ITGA1: variants seen among roughly 807,000 people sequenced by gnomAD.
ITGA1 encodes integrin subunit alpha 1, also known as integrin alpha-1.
In ITGA1, 85 loss-of-function variants were observed where a neutral mutation model predicts 145.9. The observed-to-expected ratio is 0.58, with a 90% CI of 0.49 to 0.70. The LOEUF (loss-of-function observed/expected upper bound fraction) is 0.70, where lower values mean the gene tolerates loss of function less well. ITGA1 is among the 30% of genes least tolerant of loss of function. ITGA1 has a pLI of 0.00. For synonymous variants in ITGA1, 520 were observed against 495.3 expected, an observed-to-expected ratio of 1.05 and a Z score of -0.66; for missense variants, 1,351 against 1,418.7, an observed-to-expected ratio of 0.95 and a Z score of 0.77.
chr5:52,891,648 A>AT lies in ITGA1; in HGVS notation c.925-2021dup, dbSNP rs575173790. 4.0e-3 allele frequency among the ~76,000 whole-genome samples: 593 copies of AT among 146,704 alleles called. 3 individuals are homozygous for AT. Among genetic ancestry groups the AT allele is most frequent in the African/African-American group, 0.014 (558 of 40,520 alleles). On this transcript the variant is annotated intron_variant, in intron 8 of 28. Transcript: ENST00000282588. The stretch of plus-strand genomic sequence containing the variant: ...AATTTTTTTATTTATTACAGAAGTG[A>AT]TTTTTTATTATAAAGTTTTAAAAAA...
chr5:52,929,347 T>C (rs1406801200), intron 20 of ITGA1, among the ~76,000 whole-genome samples: 2 of 152,178 alleles, frequency 1.3e-5, no homozygotes, highest in Non-Finnish European at 2.9e-5. Context: ...TCTCCTAATA[T>C]CATCACATTA....
chr5:52,800,531 A>G (rs1748448962), intron 1 of ITGA1: 14 of 1,613,962 alleles, frequency 8.7e-6, no homozygotes, highest in Middle Eastern at 1.6e-4. Flanking sequence ...ACCATCCGCA[A>G]GGTACAGACA....
chr5:52,913,023 G>A (rs897560390), intron 14 of ITGA1, among the ~76,000 whole-genome samples: 5 of 152,000 alleles, frequency 3.3e-5, no homozygotes, highest in African/African-American at 1.2e-4. Flanking sequence ...TGGGATTACA[G>A]GCGTGAGCCA....
chr5:52,880,304 G>A (rs1459435945), intron 6 of ITGA1, among the ~76,000 whole-genome samples: 2 of 152,086 alleles, frequency 1.3e-5, no homozygotes, highest in African/African-American at 4.8e-5. Flanking sequence ...TAAATAATTA[G>A]AGAAGAAAGT....
chr5:52,906,885 T>C (rs138100528), intron 12 of ITGA1, among the ~76,000 whole-genome samples: 483 of 152,302 alleles, frequency 3.2e-3, no homozygotes, highest in Non-Finnish European at 4.7e-3. Flanking sequence ...GTCCACAAAC[T>C]GCACTCGCTT....
chr5:52,903,294 T>G (rs758860355), intron 11 of ITGA1: 1 of 152,168 alleles, frequency 6.6e-6, no homozygotes, highest in Non-Finnish European at 1.5e-5. Flanking sequence ...CAGAGTGGCA[T>G]GAAATAAAAC....
intron 6 of ITGA1, among the ~76,000 whole-genome samples, chr5:52,868,967 G>A (rs186555864): frequency 2.6e-5 from 4 of 152,242 alleles, no homozygotes; most frequent in African/African-American, 9.6e-5. Flanking sequence ...GTAATAGTGG[G>A]GAAGATGACA....
At chr5:52,848,556 T>C (rs1259513451) in intron 1 of ITGA1, among the ~76,000 whole-genome samples, 3 of 152,134 alleles carry the variant, frequency 2.0e-5, no homozygotes, top group Non-Finnish European at 2.9e-5. Context: ...GTCATTATGG[T>C]TTTTTATTTT....
chr5:52,880,318 A>C (rs922673259), intron 6 of ITGA1, among the ~76,000 whole-genome samples: 2 of 152,218 alleles, frequency 1.3e-5, no homozygotes, highest in Non-Finnish European at 2.9e-5. Flanking sequence ...AGAAAGTTTT[A>C]AAAAGACCAT....
In ITGA1 at chr5:52,861,455, T is replaced by C. The variant is rs754020150; in HGVS notation, c.191T>C (p.Ile64Thr). 11 of 1,610,054 alleles carry C rather than the reference T, an allele frequency of 6.8e-6. No homozygotes were observed. Among genetic ancestry groups the C allele is most frequent in the South Asian group, 1.1e-5 (1 of 90,916 alleles). ...ATTTATTTAACTTCCAGGGTGCTTA[T>C]TGGTTCTCCGTTAGTTGGCCAACCC... is the stretch of plus-strand genomic sequence containing the variant. ...YENEEGKWVL[I>T]GSPLVGQPKN... Residue 64 changes from isoleucine to threonine, a missense_variant, in exon 3 of 29, where the codon ATT (isoleucine) becomes ACT (threonine). Physicochemically the swap from Ile to Thr is moderately conservative, Grantham distance 89 (BLOSUM62 -1). Transcript: ENST00000282588.
intron 1 of ITGA1, among the ~76,000 whole-genome samples, chr5:52,839,688 A>G (rs1160462351): frequency 6.6e-6 from 1 of 152,210 alleles, no homozygotes; most frequent in African/African-American, 2.4e-5. Flanking sequence ...TGCCAATCCT[A>G]TGGTTATTTT....
At chr5:52,893,934 C>CTTTTT in intron 9 of ITGA1, 94 bp downstream of exon 9, 1 of 681,234 alleles carries the variant, frequency 1.5e-6, no homozygotes, top group Non-Finnish European at 2.3e-6. Context: ...ATCAGTAATA[C>CTTTTT]TTTTTTTTTT....
rs567531195 is a variant in ITGA1 at position 52,827,865 on chromosome 5, T to C, written c.62-21500T>C. ...TGCTTTGTGTACTTAATAGATTACATTGTAGTTCAAACACAACTTTTATAT... is the reference window on the plus strand; with the variant it reads ...TGCTTTGTGTACTTAATAGATTACACTGTAGTTCAAACACAACTTTTATAT... On this transcript the variant is annotated intron_variant, in intron 1 of 28. Coordinates refer to ENST00000282588, the MANE Select transcript of ITGA1 (RefSeq NM_181501.2). Among the ~76,000 whole-genome samples the C allele has an allele frequency of 3.9e-5, 6 of 152,364 alleles. No individual in the cohort carries two copies. In the East Asian group the frequency reaches 7.7e-4, roughly 20 times the overall value.
In ITGA1 at chr5:52,889,108, A is replaced by ATTTT. The variant is rs71614392; in HGVS notation, c.924+1151_924+1154dup. On this transcript the variant is annotated intron_variant, in intron 8 of 28. Transcript: ENST00000282588. ...CAGTTGCTGCTCTAAACTACTATCC[A>ATTTT]TTTTTTTTTTTAAATGGAGTCTCGC... 6.2e-3 allele frequency among the ~76,000 whole-genome samples: 691 copies of ATTTT among 111,024 alleles called. 2 individuals are homozygous for ATTTT. Among genetic ancestry groups the ATTTT allele is most frequent in the Non-Finnish European group, 7.8e-3 (366 of 46,766 alleles). 72.8% of individuals were successfully genotyped at this position (111,024 alleles called of 152,430 possible).
intron 1 of ITGA1, among the ~76,000 whole-genome samples, chr5:52,838,271 G>A (rs1289009231): frequency 6.6e-6 from 1 of 152,144 alleles, no homozygotes; most frequent in Non-Finnish European, 1.5e-5. Context: ...AAGCAGTACT[G>A]AGACATTGAG....
chr5:52,908,127 G>A (rs1419524655), intron 12 of ITGA1, among the ~76,000 whole-genome samples: 2 of 152,140 alleles, frequency 1.3e-5, no homozygotes, highest in African/African-American at 4.8e-5. Context: ...TGGGGAAGAA[G>A]CCAGTAAATA....
chr5:52,788,589 T>G (rs1286854798), intron 1 of ITGA1, among the ~76,000 whole-genome samples, 175 bp downstream of exon 1: 2 of 152,180 alleles, frequency 1.3e-5, no homozygotes, highest in African/African-American at 4.8e-5. Context: ...CGTTCTGGTT[T>G]TGATATGAAT....
chr5:52,891,384 T>G (rs958523218), intron 8 of ITGA1, among the ~76,000 whole-genome samples: 1 of 151,762 alleles, frequency 6.6e-6, no homozygotes, highest in African/African-American at 2.4e-5. Flanking sequence ...TAGTATGTAC[T>G]GTGTGTTTAG....
chr5:52,794,414 C>G (rs1410178867), intron 1 of ITGA1, among the ~76,000 whole-genome samples: 1 of 151,240 alleles, frequency 6.6e-6, no homozygotes, highest in South Asian at 2.1e-4. Flanking sequence ...CTGGCCAATC[C>G]TTAAAAATAT....
Sources: gnomAD v4.1 joint callset for allele counts (sites outside exome capture counted in the v4.1 genomes callset) on GRCh38, gnomAD v4.1.1 for gene constraint, MANE v1.5 for transcripts, NCBI Gene and HGNC (gene_info 2026-07-23, HGNC 2026-07-21) for gene names.